Variants in GTPBP10 observed in about 807,000 individuals in gnomAD.
GTPBP10 encodes the protein GTP binding protein 10.
GTPBP10 carries 38 observed loss-of-function variants against 44.8 expected under a neutral mutation model. The observed-to-expected ratio is 0.85, with a 90% CI of 0.65 to 1.11. GTPBP10 has a LOEUF of 1.11. Ranked by LOEUF, GTPBP10 falls within the 50% of genes most tolerant of loss-of-function variation. The pLI is 0.00. For synonymous variants in GTPBP10, 152 were observed against 150.6 expected (o/e 1.01, Z -0.07); for missense variants, 462 against 453.7 (o/e 1.02, Z -0.17).
At chr7:90,373,072 T>A (rs769069854) in intron 5 of GTPBP10, among the ~76,000 whole-genome samples, 12 of 152,106 alleles carry the variant, frequency 7.9e-5, no homozygotes, top group Non-Finnish European at 1.5e-5. Context: ...TGAAGGGTCT[T>A]TAATCAGAGG....
At chr7:90,369,603 G>C (rs975850336) in intron 4 of GTPBP10, among the ~76,000 whole-genome samples, 1 of 152,188 alleles carries the variant, frequency 6.6e-6, no homozygotes, top group Non-Finnish European at 1.5e-5. Context: ...GCAAGGCTCC[G>C]TTGGCTTGGG....
At chr7:90,360,645 C>T (rs1452248136) in intron 4 of GTPBP10, among the ~76,000 whole-genome samples, 1 of 152,064 alleles carries the variant, frequency 6.6e-6, no homozygotes, top group Non-Finnish European at 1.5e-5. Context: ...TCCATACGAA[C>T]TTTAAAGTAG....
chr7:90,372,314 C>A, intron 5 of GTPBP10, 86 bp downstream of exon 5: 1 of 965,140 alleles, frequency 1.0e-6, no homozygotes, highest in Non-Finnish European at 1.5e-6. Flanking sequence ...AAAATGATAA[C>A]TCGGAGGGTA....
intron 4 of GTPBP10, among the ~76,000 whole-genome samples, chr7:90,361,645 A>T (rs1256225409): frequency 6.6e-6 from 1 of 152,232 alleles, no homozygotes; most frequent in Non-Finnish European, 1.5e-5. Context: ...CTGGCCTCAT[A>T]AAATGAGTTA....
At chr7:90,359,573 G>A (rs1210516220) in intron 4 of GTPBP10, among the ~76,000 whole-genome samples, 1 of 152,250 alleles carries the variant, frequency 6.6e-6, no homozygotes, top group East Asian at 1.9e-4. Flanking sequence ...CCAAGTCTTT[G>A]CTATTGTGAA....
At chr7:90,376,664 T>C (rs568551608) in intron 6 of GTPBP10, among the ~76,000 whole-genome samples, 1 of 152,352 alleles carries the variant, frequency 6.6e-6, no homozygotes, top group South Asian at 2.1e-4. Flanking sequence ...TAAAGTCTCT[T>C]AAAAGTAATG....
At chr7:90,384,767 A>G in intron 9 of GTPBP10, 125 bp from the exon 10 acceptor site, 1 of 806,806 alleles carries the variant, frequency 1.2e-6, no homozygotes, top group Non-Finnish European at 1.9e-6. Context: ...CTTATTAGAA[A>G]AGGTGAAAAA....
chr7:90,369,244 T>C (rs1401243273), intron 4 of GTPBP10, among the ~76,000 whole-genome samples: 4 of 152,164 alleles, frequency 2.6e-5, no homozygotes, highest in Non-Finnish European at 5.9e-5. Context: ...GTTAGGCTAC[T>C]CGGGGGTCAG....
chr7:90,350,264 C>T (rs368334224), intron 1 of GTPBP10, among the ~76,000 whole-genome samples: 2 of 152,238 alleles, frequency 1.3e-5, no homozygotes, highest in East Asian at 3.9e-4. Context: ...AGTATTCCAT[C>T]GTGTATATGT....
intron 3 of GTPBP10, 110 bp from the exon 4 acceptor site, chr7:90,354,976 A>G (rs1322364237): frequency 7.9e-6 from 5 of 632,302 alleles, no homozygotes; most frequent in Non-Finnish European, 1.3e-5. Flanking sequence ...TTACTAATCT[A>G]TAGATTTGTA....
In GTPBP10 at chr7:90,387,951, A is replaced by G. The variant is rs1222502864; in HGVS notation, c.*2797A>G. 1.3e-5 allele frequency: 2 copies of G among 152,194 alleles called. No homozygotes were observed. Among genetic ancestry groups the G allele is most frequent in the Non-Finnish European group, 1.5e-5 (1 of 68,022 alleles). The allele number at this position is 152,194 out of a possible 1,614,324, so 9.4% of individuals were successfully genotyped here. A position where few individuals can be genotyped will look rare whatever the true frequency, so the allele number is the denominator to read the frequency against. On this transcript the variant is annotated 3_prime_UTR_variant, in exon 10 of 10. Transcript: ENST00000222511. ...GTAAGGACAGTTTCATCAGGTGAAT[A>G]TCAGAAGTACTGACACCATAATCTC...
chr7:90,374,867 G>A (rs753804810), intron 6 of GTPBP10, among the ~76,000 whole-genome samples: 3 of 152,162 alleles, frequency 2.0e-5, no homozygotes, highest in Non-Finnish European at 4.4e-5. Flanking sequence ...CAATCTAGTA[G>A]TTGTGCTCCT....
At chr7:90,380,070 T>G (rs1024523439) in intron 8 of GTPBP10, among the ~76,000 whole-genome samples, 1 of 148,952 alleles carries the variant, frequency 6.7e-6, no homozygotes, top group African/African-American at 2.5e-5. Flanking sequence ...AATAAGTCCC[T>G]TCTCTTTTTT....
intron 1 of GTPBP10, among the ~76,000 whole-genome samples, chr7:90,349,710 C>T (rs1440174418): frequency 6.6e-6 from 1 of 152,174 alleles, no homozygotes; most frequent in African/African-American, 2.4e-5. Flanking sequence ...AATCCTGGTG[C>T]TCCCTTCTCT....
intron 8 of GTPBP10, among the ~76,000 whole-genome samples, chr7:90,380,037 T>C (rs909651592): frequency 4.6e-5 from 7 of 151,948 alleles, no homozygotes; most frequent in African/African-American, 1.4e-4. Context: ...TGTTGAGTTA[T>C]AAGCATGTTT....
intron 4 of GTPBP10, among the ~76,000 whole-genome samples, chr7:90,366,087 A>G (rs1280322878): frequency 6.6e-6 from 1 of 152,150 alleles, no homozygotes; most frequent in Non-Finnish European, 1.5e-5. Context: ...TGTACATTGA[A>G]CCAGCCTTGC....
chr7:90,368,998 A>T (rs968615511), intron 4 of GTPBP10, among the ~76,000 whole-genome samples: 1 of 152,094 alleles, frequency 6.6e-6, no homozygotes, highest in Non-Finnish European at 1.5e-5. Context: ...CTTTTTGTTG[A>T]TGTTGATGCT....
intron 8 of GTPBP10, among the ~76,000 whole-genome samples, chr7:90,378,569 T>G (rs1796384075): frequency 1.3e-5 from 2 of 152,232 alleles, no homozygotes; most frequent in South Asian, 4.1e-4. Context: ...CTTTTTAGGC[T>G]CTTTTTTCTC....
intron 6 of GTPBP10, among the ~76,000 whole-genome samples, chr7:90,376,652 A>G (rs1217922922): frequency 3.3e-5 from 5 of 152,226 alleles, no homozygotes. Context: ...CTATTAATGT[A>G]GTAAAGTCTC....
Sources: allele counts gnomAD v4.1 joint callset (sites outside exome capture counted in the v4.1 genomes callset), GRCh38; gene constraint gnomAD v4.1.1; transcripts MANE v1.5; gene names NCBI Gene and HGNC (gene_info 2026-07-23, HGNC 2026-07-21).